CLPB: variants seen among roughly 807,000 people sequenced by gnomAD.
CLPB encodes the protein ClpB family mitochondrial disaggregase.
In CLPB, 40 loss-of-function variants were observed where a neutral mutation model predicts 78.4. The observed-to-expected ratio is 0.51, with a 90% CI of 0.40 to 0.66. The LOEUF (loss-of-function observed/expected upper bound fraction) is 0.66, where lower values mean the gene tolerates loss of function less well. Among genes scored for constraint, CLPB ranks in the 30% least tolerant of loss-of-function variants. The pLI, the probability that CLPB is intolerant of heterozygous loss-of-function variation, is 0.00. For synonymous variants in CLPB, 333 were observed against 348.0 expected, an observed-to-expected ratio of 0.96 and a Z score of 0.48; for missense variants, 780 against 886.9, an observed-to-expected ratio of 0.88 and a Z score of 1.53.
At chr11:72,326,270 G>A (rs1950133086) in intron 6 of CLPB, among the ~76,000 whole-genome samples, 1 of 152,088 alleles carries the variant, frequency 6.6e-6, no homozygotes, top group Non-Finnish European at 1.5e-5. Flanking sequence ...CAGCTCAGTT[G>A]TCATCTCTTC....
intron 7 of CLPB, among the ~76,000 whole-genome samples, chr11:72,311,662 G>A (rs537247117): frequency 6.6e-6 from 1 of 152,302 alleles, no homozygotes; most frequent in South Asian, 2.1e-4. Context: ...CTTGGAAAAC[G>A]TTCTCTGTAG....
chr11:72,383,200 C>A (rs1409150548), intron 3 of CLPB, among the ~76,000 whole-genome samples: 5 of 151,424 alleles, frequency 3.3e-5, no homozygotes, highest in South Asian at 2.1e-4. Flanking sequence ...AATAACACTA[C>A]ACCAAGACAT....
chr11:72,304,446 A>C (rs1355075828), intron 9 of CLPB, among the ~76,000 whole-genome samples: 2 of 152,138 alleles, frequency 1.3e-5, no homozygotes, highest in African/African-American at 4.8e-5. Flanking sequence ...GTTGTTCTTT[A>C]TCCCTTATCA....
At chr11:72,418,735 A>T (rs558034511) in intron 2 of CLPB, among the ~76,000 whole-genome samples, 10 of 152,046 alleles carry the variant, frequency 6.6e-5, no homozygotes, top group African/African-American at 2.4e-4. Flanking sequence ...CACACCTGTA[A>T]TCCCAGCTAC....
At chr11:72,424,568 C>T (rs1856308450) in intron 2 of CLPB, among the ~76,000 whole-genome samples, 1 of 151,482 alleles carries the variant, frequency 6.6e-6, no homozygotes, top group African/African-American at 2.4e-5. Context: ...ATCAGTCTAG[C>T]CAACATGGTG....
Position 72,388,135 on chromosome 11 carries a change from G to A in CLPB, c.543-7751C>T, listed in dbSNP as rs1408102645. Among the ~76,000 whole-genome samples, 6 of 152,094 alleles carry A rather than the reference G, an allele frequency of 3.9e-5. No homozygotes were observed. In the South Asian group the frequency reaches 8.3e-4, roughly 21 times the overall value. On this transcript the variant is annotated intron_variant, in intron 3 of 15. Transcript: ENST00000538039. The stretch of plus-strand genomic sequence containing the variant: ...AGAGAGTGACTAGGATCGACCCTGG[G>A]GCTGCTAACCCAATCAAAGGGAATA...
intron 8 of CLPB, 119 bp downstream of exon 8, chr11:72,308,408 G>A: frequency 1.3e-6 from 1 of 793,530 alleles, no homozygotes; most frequent in Non-Finnish European, 2.2e-6. Context: ...TGCTTTTAGA[G>A]CTCAAGTTGA....
chr11:72,428,522 G>A (rs1485051674), intron 2 of CLPB, among the ~76,000 whole-genome samples: 1 of 152,190 alleles, frequency 6.6e-6, no homozygotes, highest in Non-Finnish European at 1.5e-5. Context: ...CGCAGGCCCA[G>A]CAGCCAGCCA....
At chr11:72,324,338 T>C (rs943335876) in intron 6 of CLPB, among the ~76,000 whole-genome samples, 6 of 152,174 alleles carry the variant, frequency 3.9e-5, no homozygotes, top group Admixed American at 3.3e-4. Context: ...GAGGCCGAGG[T>C]GGGTGCATCA....
Position 72,293,347 on chromosome 11 carries a change from T to G in CLPB, c.*20A>C, listed in dbSNP as rs776047708. On this transcript the variant is annotated 3_prime_UTR_variant, in exon 16 of 16. Transcript: ENST00000538039. ...GCCTTTATTGGATGGTGAGGGCACATAGGAGCAGGCAGGTGGCTGCTAGAT... is the reference window on the plus strand; with the variant it reads ...GCCTTTATTGGATGGTGAGGGCACAGAGGAGCAGGCAGGTGGCTGCTAGAT... 6.2e-7 allele frequency: 1 copy of G among 1,609,878 alleles called. No individual in the cohort carries two copies. Among genetic ancestry groups the G allele is most frequent in the South Asian group, 1.1e-5 (1 of 90,768 alleles).
At chr11:72,314,988 G>A (rs1949916060) in intron 7 of CLPB, among the ~76,000 whole-genome samples, 2 of 152,166 alleles carry the variant, frequency 1.3e-5, no homozygotes, top group African/African-American at 4.8e-5. Context: ...TCCAACTGGT[G>A]AGAACTGATT....
chr11:72,340,420 G>C (rs1441172155), intron 5 of CLPB, among the ~76,000 whole-genome samples: 1 of 152,156 alleles, frequency 6.6e-6, no homozygotes, highest in East Asian at 1.9e-4. Flanking sequence ...ACATTCTCTT[G>C]TAAATATGAG....
chr11:72,356,226 C>T (rs112371691), intron 5 of CLPB, among the ~76,000 whole-genome samples: 5,839 of 150,508 alleles, frequency 0.039, 207 homozygotes, highest in African/African-American at 0.096. Flanking sequence ...TGTGGCAAGC[C>T]GAGATCGCGC....
Position 72,289,669 on chromosome 11 carries a change from CA to C in CLPB, c.*3697del. ...CACTACAGCCTCAACCTTCTGAACT[CA>C]AGCGATCCTCCTGCCTCAGCCTCCT... On this transcript the variant is annotated 3_prime_UTR_variant, in exon 16 of 16. Coordinates refer to ENST00000538039, the MANE Select transcript of CLPB (RefSeq NM_001258392.3). 1 of 152,288 alleles carries C rather than the reference CA, an allele frequency of 6.6e-6. No homozygotes were observed. Among genetic ancestry groups the C allele is most frequent in the Non-Finnish European group, 1.5e-5 (1 of 68,020 alleles). The allele number at this position is 152,288 out of a possible 1,614,324, so 9.4% of individuals were successfully genotyped here.
intron 2 of CLPB, among the ~76,000 whole-genome samples, chr11:72,425,558 T>C (rs1856350265): frequency 6.6e-6 from 1 of 152,210 alleles, no homozygotes; most frequent in Non-Finnish European, 1.5e-5. Flanking sequence ...TTCTCCTTCC[T>C]CATTTTGTTG....
intron 4 of CLPB, among the ~76,000 whole-genome samples, chr11:72,370,185 T>G (rs748876789): frequency 5.3e-5 from 8 of 152,322 alleles, no homozygotes; most frequent in Non-Finnish European, 1.0e-4. Flanking sequence ...ACACAAAATA[T>G]GTAAATCAGT....
chr11:72,430,284 G>T, intron 2 of CLPB, 28 bp downstream of exon 2: 1 of 1,609,054 alleles, frequency 6.2e-7, no homozygotes, highest in Non-Finnish European at 8.5e-7. Flanking sequence ...CTCCTGTAGG[G>T]GAGAGCAAGG....
intron 4 of CLPB, among the ~76,000 whole-genome samples, chr11:72,369,566 G>A (rs79769393): frequency 0.018 from 2,691 of 151,464 alleles, 41 homozygotes; most frequent in East Asian, 0.068. Context: ...TGTGTTCCCC[G>A]TCTCTACACC....
rs1949386796 is a variant in CLPB at position 72,286,223 on chromosome 11, G to GTTTTTTTTTCTT, written c.*7143_*7144insAAGAAAAAAAAA. On this transcript the variant is annotated 3_prime_UTR_variant, in exon 16 of 16. Transcript: ENST00000538039. ...ATTACAGGTGTGAGATACTGCACCTGTTTTTTTTTTTTTTTTTTTTTTTAA... is the reference window on the plus strand; with the variant it reads ...ATTACAGGTGTGAGATACTGCACCTGTTTTTTTTTCTTTTTTTTTTTTTTTTTTTTTTTTTAA... 1 of 60,450 alleles carries GTTTTTTTTTCTT rather than the reference G, an allele frequency of 1.7e-5. No individual in the cohort carries two copies. Among genetic ancestry groups the GTTTTTTTTTCTT allele is most frequent in the African/African-American group, 6.9e-5 (1 of 14,464 alleles). The allele number at this position is 60,450 out of a possible 1,614,324, so 3.7% of individuals were successfully genotyped here.
Sources: gnomAD v4.1 joint callset for allele counts (sites outside exome capture counted in the v4.1 genomes callset) on GRCh38, gnomAD v4.1.1 for gene constraint, MANE v1.5 for transcripts, NCBI Gene and HGNC (gene_info 2026-07-23, HGNC 2026-07-21) for gene names.